The following EFNB2 variants were observed in gnomAD, a reference collection of about 807,000 sequenced individuals.
EFNB2 encodes ephrin-B2.
EFNB2 carries 5 observed loss-of-function variants against 32.1 expected under a neutral mutation model. The observed-to-expected ratio is 0.16, with a 90% CI of 0.08 to 0.33. The LOEUF (loss-of-function observed/expected upper bound fraction) is 0.33, where lower values mean the gene tolerates loss of function less well. Among genes scored for constraint, EFNB2 ranks in the 10% least tolerant of loss-of-function variants. The pLI, the probability that EFNB2 is intolerant of heterozygous loss-of-function variation, is 1.00. For missense variants in EFNB2, 263 were observed against 422.6 expected (o/e 0.62, Z 3.31); for synonymous variants, 168 against 166.5 (o/e 1.01, Z -0.07).
At position 106,535,108 on chromosome 13, in the gene EFNB2, A is replaced by T. The variant is rs1342168742; in HGVS notation, c.-144T>A. 23 of 1,126,988 alleles carry T rather than the reference A, an allele frequency of 2.0e-5. No homozygotes were observed. Among genetic ancestry groups the T allele is most frequent in the Admixed American group, 3.6e-5 (1 of 27,682 alleles). 69.8% of individuals were successfully genotyped at this position (1,126,988 alleles called of 1,614,324 possible). A position where few individuals can be genotyped will look rare whatever the true frequency, so the allele number is the denominator to read the frequency against. On this transcript the variant is annotated 5_prime_UTR_variant, in exon 1 of 5. Coordinates refer to ENST00000646441, the MANE Select transcript of EFNB2 (RefSeq NM_004093.4). ...GCTCCGAGGCGCGCTGCGCAGCTCC[A>T]GCGGTCGCCGGGCCAGGTGCGCTCG...
At chr13:106,534,562 C>A (rs1205213511) in intron 1 of EFNB2, among the ~76,000 whole-genome samples, 2 of 152,242 alleles carry the variant, frequency 1.3e-5, no homozygotes, top group Non-Finnish European at 2.9e-5. Flanking sequence ...CGCCATCGGA[C>A]ACCTTCCCGG....
intron 2 of EFNB2, among the ~76,000 whole-genome samples, chr13:106,510,594 C>T (rs936040679): frequency 6.0e-5 from 9 of 151,092 alleles, no homozygotes; most frequent in African/African-American, 2.2e-4. Context: ...CTTCCCGTAC[C>T]ACGACCTTCT....
At chr13:106,501,881 C>T (rs1267354683) in intron 2 of EFNB2, among the ~76,000 whole-genome samples, 1 of 152,104 alleles carries the variant, frequency 6.6e-6, no homozygotes, top group African/African-American at 2.4e-5. Context: ...CGTGAGCCAC[C>T]GCGCCCGGCC....
intron 2 of EFNB2, among the ~76,000 whole-genome samples, chr13:106,507,285 C>T (rs142567551): frequency 1.6e-3 from 237 of 152,278 alleles, no homozygotes; most frequent in African/African-American, 5.4e-3. Flanking sequence ...ACAGCCCACA[C>T]ATTATTCTAT....
At chr13:106,530,491 A>G (rs1320334229) in intron 1 of EFNB2, among the ~76,000 whole-genome samples, 1 of 152,272 alleles carries the variant, frequency 6.6e-6, no homozygotes, top group Non-Finnish European at 1.5e-5. Flanking sequence ...AAAGGCAGGC[A>G]GAGATTAGGC....
intron 1 of EFNB2, among the ~76,000 whole-genome samples, chr13:106,526,033 CGTCACCTGGGAGCTT>C (rs1879689227): frequency 6.6e-6 from 1 of 152,080 alleles, no homozygotes. Context: ...CAGTTGCCAG[CGTCACCTGGGAGCTT>C]GTTAAACATG....
At chr13:106,525,449 T>A (rs1879668169) in intron 1 of EFNB2, among the ~76,000 whole-genome samples, 1 of 152,248 alleles carries the variant, frequency 6.6e-6, no homozygotes, top group South Asian at 2.1e-4. Flanking sequence ...GTGGCTTAGC[T>A]GTTCCTGTGA....
Position 106,493,099 on chromosome 13 carries a change from C to G in EFNB2, c.943G>C (p.Val315Leu), listed in dbSNP as rs1878465940. 2 of 1,613,994 alleles carry G rather than the reference C, an allele frequency of 1.2e-6. No homozygotes were observed. Among genetic ancestry groups the G allele is most frequent in the East Asian group, 2.2e-5 (1 of 44,872 alleles). Residue 315 changes from valine (V) to leucine (L), a missense_variant, in exon 5 of 5, where the codon GTG becomes CTG. By Grantham distance (32) the Val-to-Leu change is conservative. This residue lies in a region of EFNB2 where 172 missense variants were observed against 237.1 expected (regional missense o/e 0.73). Transcript: ENST00000646441. The surrounding 1 kb of genome is among the most constrained non-coding windows in gnomAD (Gnocchi z 6.1). ...GGGGGCATCTCCTGGACGATGTACA[C>G]CGGGTGCCCGTAGTCCCCGCTGACC... ...EKVSGDYGHPVYIVQEMPPQS... is the reference protein window; with the variant it reads ...EKVSGDYGHPLYIVQEMPPQS...
intron 2 of EFNB2, among the ~76,000 whole-genome samples, chr13:106,499,914 T>G (rs1878716412): frequency 6.6e-6 from 1 of 152,202 alleles, no homozygotes; most frequent in Non-Finnish European, 1.5e-5. Context: ...GGGTAGAGAT[T>G]ACTGCTCAGC....
chr13:106,532,822 T>TG (rs142677050), intron 1 of EFNB2, among the ~76,000 whole-genome samples: 28,091 of 137,850 alleles, frequency 0.2, 2,918 homozygotes, highest in East Asian at 0.48. Flanking sequence ...ATCATCAGAA[T>TG]GGGGGGGGGG....
At chr13:106,504,332 C>T (rs1255396577) in intron 2 of EFNB2, among the ~76,000 whole-genome samples, 1 of 152,146 alleles carries the variant, frequency 6.6e-6, no homozygotes, top group African/African-American at 2.4e-5. Flanking sequence ...GGGACTTCAC[C>T]AGCGACCGAA....
In EFNB2 at chr13:106,489,757, A is replaced by G. The variant is rs1193425905; in HGVS notation, c.*3283T>C. The G allele has an allele frequency of 6.6e-6, 1 of 152,620 alleles. No homozygotes were observed. The highest frequency in any genetic ancestry group is 1.5e-5 in the Non-Finnish European group (1 of 68,030). 9.5% of individuals were successfully genotyped at this position (152,620 alleles called of 1,614,324 possible). A position where few individuals can be genotyped will look rare whatever the true frequency, so the allele number is the denominator to read the frequency against. Reference sequence around the variant, plus strand: ...ACTTTGAAGGCACTTTTTCCATAGGAAAAAAATATTTTATTTTTTTAAGAA... The same window carrying G: ...ACTTTGAAGGCACTTTTTCCATAGGGAAAAAATATTTTATTTTTTTAAGAA... On this transcript the variant is annotated 3_prime_UTR_variant, in exon 5 of 5. Coordinates refer to ENST00000646441, the MANE Select transcript of EFNB2 (RefSeq NM_004093.4).
chr13:106,513,755 C>G (rs1013406217), intron 1 of EFNB2, among the ~76,000 whole-genome samples: 1 of 28,144 alleles, frequency 3.6e-5, no homozygotes, highest in African/African-American at 1.1e-4. Flanking sequence ...ACTTAGAAAT[C>G]TCAGCTCGTT....
At chr13:106,497,091 G>T (rs555964357) in intron 2 of EFNB2, among the ~76,000 whole-genome samples, 4 of 152,230 alleles carry the variant, frequency 2.6e-5, no homozygotes, top group African/African-American at 9.6e-5. Flanking sequence ...CAAACAGTAG[G>T]TCAGCAAACA....
chr13:106,508,529 G>A (rs770813046), intron 2 of EFNB2, among the ~76,000 whole-genome samples: 10 of 152,068 alleles, frequency 6.6e-5, no homozygotes, highest in Non-Finnish European at 1.5e-4. Context: ...CAGGCCCAGG[G>A]CTAATTACTG....
At chr13:106,514,227 T>C (rs1314863831) in intron 1 of EFNB2, among the ~76,000 whole-genome samples, 1 of 152,190 alleles carries the variant, frequency 6.6e-6, no homozygotes, top group East Asian at 1.9e-4. Flanking sequence ...CAAAAAAACT[T>C]TCTGTGAAAC....
intron 2 of EFNB2, among the ~76,000 whole-genome samples, chr13:106,505,246 GT>G (rs1382737136): frequency 2.0e-5 from 3 of 152,156 alleles, no homozygotes; most frequent in Non-Finnish European, 2.9e-5. Flanking sequence ...CTACATATGT[GT>G]TATGTATGCA....
rs560265991 is a variant in EFNB2, at chr13:106,499,205, T to TA, written c.407-3366_407-3365insT. Reference sequence around the variant, plus strand: ...ATCACCTTTCTTCTCCCCTGCTACATCCTCATCACAGAGTGTAATTCTTAT... The same window carrying TA: ...ATCACCTTTCTTCTCCCCTGCTACATACCTCATCACAGAGTGTAATTCTTAT... On this transcript the variant is annotated intron_variant, in intron 2 of 4. Coordinates refer to ENST00000646441, the MANE Select transcript of EFNB2 (RefSeq NM_004093.4). Among the ~76,000 whole-genome samples the TA allele has an allele frequency of 4.2e-4, 64 of 152,054 alleles. 2 individuals are homozygous for TA. In the South Asian group the frequency reaches 0.013, roughly 31 times the overall value.
intron 2 of EFNB2, among the ~76,000 whole-genome samples, chr13:106,505,861 C>A (rs563113746): frequency 2.6e-5 from 4 of 152,220 alleles, no homozygotes; most frequent in African/African-American, 7.2e-5. Flanking sequence ...CTAAATAATT[C>A]TTGCTGTCAT....
Sources: gnomAD v4.1 joint callset for allele counts (sites outside exome capture counted in the v4.1 genomes callset) on GRCh38, gnomAD v4.1.1 for gene constraint, gnomAD v4.1.1 regional missense constraint, Gnocchi (gnomAD v3.1) non-coding constraint, MANE v1.5 for transcripts, NCBI Gene and HGNC (gene_info 2026-07-23, HGNC 2026-07-21) for gene names.